Variants in PALM observed in about 807,000 individuals in gnomAD.
PALM encodes paralemmin.
In PALM, 18 loss-of-function variants were observed where a neutral mutation model predicts 30.7. The observed-to-expected ratio is 0.59, with a 90% CI of 0.41 to 0.87. PALM has a LOEUF of 0.87. Among genes scored for constraint, PALM ranks in the 40% least tolerant of loss-of-function variants. PALM has a pLI of 0.00. For synonymous variants in PALM, 286 were observed against 242.8 expected (o/e 1.18, Z -1.66); for missense variants, 529 against 555.4 (o/e 0.95, Z 0.48).
intron 5 of PALM, among the ~76,000 whole-genome samples, chr19:733,353 G>A (rs1190669713): frequency 1.3e-5 from 2 of 152,178 alleles, no homozygotes; most frequent in East Asian, 1.9e-4. Flanking sequence ...CCTTCCTGAC[G>A]GGCACACCCA....
rs750591727 is a variant in PALM, at chr19:746,276, CT to C, written c.635-7del. ...AGCTGGGTCATTCTCTCTGTCTCTC[CT>C]TGTACAGTGGTCCATGCTGTGGACG... On this transcript the variant is annotated splice_region_variant and splice_polypyrimidine_tract_variant and intron_variant, in intron 8 of 8. Coordinates refer to ENST00000338448, the MANE Select transcript of PALM (RefSeq NM_002579.3). This position sits in a 1 kb window ranked among gnomAD's most constrained non-coding sequence, Gnocchi z 7.1. 6.2e-6 allele frequency: 10 copies of C among 1,609,946 alleles called. No homozygotes were observed. The highest frequency in any genetic ancestry group is 3.4e-5 in the Admixed American group (2 of 59,072).
chr19:717,393 T>A (rs1346348293), intron 1 of PALM, among the ~76,000 whole-genome samples: 1 of 151,908 alleles, frequency 6.6e-6, no homozygotes, highest in Non-Finnish European at 1.5e-5. Context: ...AGACATGGGA[T>A]CACACGCTGC....
chr19:731,145 C>T lies in PALM; in HGVS notation c.320C>T (p.Thr107Ile). The change falls in exon 5 of 9, where the codon ACT becomes ATT. Residue 107 changes from threonine to isoleucine, a missense_variant. By Grantham distance (89) the Thr-to-Ile change is moderately conservative. Transcript: ENST00000338448. ...VLERGDSAPATAKENAAAPSP... is the reference protein window; with the variant it reads ...VLERGDSAPAIAKENAAAPSP... ...GAGCGTGGAGACTCCGCCCCAGCCA[C>T]TGCCAAGGAGAACGCGGCGGCCCCG... 6.2e-7 allele frequency: 1 copy of T among 1,608,506 alleles called. No homozygotes were observed. The highest frequency in any genetic ancestry group is 2.2e-5 in the East Asian group (1 of 44,706).
At chr19:745,204 C>T (rs941615571) in intron 8 of PALM, among the ~76,000 whole-genome samples, 3 of 152,038 alleles carry the variant, frequency 2.0e-5, no homozygotes, top group Non-Finnish European at 4.4e-5. Context: ...ATCCCTGTAA[C>T]CTCCAGTTCC....
chr19:740,206 A>C, intron 7 of PALM, 146 bp from the exon 8 acceptor site: 1 of 743,422 alleles, frequency 1.3e-6, no homozygotes, highest in African/African-American at 1.8e-5. Context: ...CCGCGTCGAG[A>C]AGGTGCCCAG....
intron 1 of PALM, among the ~76,000 whole-genome samples, chr19:715,084 T>C (rs2032214402): frequency 6.6e-6 from 1 of 152,138 alleles, no homozygotes; most frequent in Admixed American, 6.6e-5. Context: ...GCCAACATAG[T>C]GAAACCCCAT....
intron 7 of PALM, among the ~76,000 whole-genome samples, chr19:738,580 G>A (rs1323763107): frequency 5.3e-5 from 8 of 152,124 alleles, no homozygotes; most frequent in Admixed American, 4.6e-4. Flanking sequence ...AAGAGCCAGG[G>A]TGGGGGCAGG....
At chr19:731,409 C>T (rs897088172) in intron 5 of PALM, among the ~76,000 whole-genome samples, 164 bp downstream of exon 5, 3 of 152,208 alleles carry the variant, frequency 2.0e-5, no homozygotes, top group Non-Finnish European at 2.9e-5. Context: ...CTGTGTGAGC[C>T]GGGACACGTG....
In PALM at chr19:746,988, G is replaced by A. The variant is rs1294898883; in HGVS notation, c.*174G>A. On this transcript the variant is annotated 3_prime_UTR_variant, in exon 9 of 9. Coordinates refer to ENST00000338448, the MANE Select transcript of PALM (RefSeq NM_002579.3). This position sits in a 1 kb window ranked among gnomAD's most constrained non-coding sequence, Gnocchi z 7.1. ...GAAAGAGGGACAGGGGCCCCCACCC[G>A]TCACCACGCCCCAACACTCCCCCCG... is the stretch of plus-strand genomic sequence containing the variant. The A allele has an allele frequency of 1.8e-5, 11 of 596,634 alleles. No individual in the cohort carries two copies. The highest frequency in any genetic ancestry group is 6.0e-5 in the Admixed American group (2 of 33,424). 37.0% of individuals were successfully genotyped at this position (596,634 alleles called of 1,614,324 possible).
intron 2 of PALM, 46 bp from the exon 3 acceptor site, chr19:726,962 C>T (rs755585956): frequency 1.5e-5 from 15 of 1,033,496 alleles, no homozygotes; most frequent in Admixed American, 6.7e-5. Context: ...GGGGGGTCTC[C>T]GGGACCCCCA....
Position 728,606 on chromosome 19 carries a change from G to A in PALM, c.269+912G>A, listed in dbSNP as rs920747289. On this transcript the variant is annotated intron_variant, in intron 4 of 8. Transcript: ENST00000338448. ...GAGGATCACTTGAGATCAGAGGTTC[G>A]AGACCAACCTGACCAACATCGTGAA... 4.6e-5 allele frequency among the ~76,000 whole-genome samples: 7 copies of A among 152,086 alleles called. 1 individual carries two copies. In the South Asian group the frequency reaches 6.2e-4, roughly 14 times the overall value.
intron 6 of PALM, 67 bp downstream of exon 6, chr19:734,261 G>C: frequency 2.0e-6 from 3 of 1,510,416 alleles, no homozygotes; most frequent in Non-Finnish European, 2.7e-6. Context: ...GGATGGCAGG[G>C]CGGGGAGTGA....
At chr19:731,336 G>C (rs531056196) in intron 5 of PALM, 91 bp downstream of exon 5, 44 of 1,200,558 alleles carry the variant, frequency 3.7e-5, no homozygotes, top group Non-Finnish European at 4.0e-5. Context: ...CAGCGTAGCT[G>C]AGGGGACAGG....
chr19:711,385 C>CT (rs890206316), intron 1 of PALM, among the ~76,000 whole-genome samples: 1 of 152,118 alleles, frequency 6.6e-6, no homozygotes, highest in Non-Finnish European at 1.5e-5. Flanking sequence ...AGGCTCAAAC[C>CT]CCCGGGATAG....
In PALM at chr19:709,990, G is replaced by A. The variant is rs1241243051; in HGVS notation, c.5+839G>A. On this transcript the variant is annotated intron_variant, in intron 1 of 8. Coordinates refer to ENST00000338448, the MANE Select transcript of PALM (RefSeq NM_002579.3). This position sits in a 1 kb window ranked among gnomAD's most constrained non-coding sequence, Gnocchi z 4.3. ...CACCGGTCCCCTCCTCCCGGTGCTC[G>A]GGTGCCCCTCTGCCCCTCACTCCCA... Among the ~76,000 whole-genome samples the A allele has an allele frequency of 2.0e-5, 3 of 152,218 alleles. No homozygotes were observed. Among genetic ancestry groups the A allele is most frequent in the East Asian group, 3.9e-4 (2 of 5,156 alleles).
At position 742,162 on chromosome 19, in the gene PALM, C is replaced by T. The variant is rs2033212917; in HGVS notation, c.634+1679C>T. On this transcript the variant is annotated intron_variant, in intron 8 of 8. Transcript: ENST00000338448. This position sits in a 1 kb window ranked among gnomAD's most constrained non-coding sequence, Gnocchi z 5.5. ...ACAGACCAAGACCCTGTCTCAAAAA[C>T]AAGAAAGAGGAGAGAAGCCCCATCC... Among the ~76,000 whole-genome samples the T allele has an allele frequency of 6.6e-6, 1 of 152,020 alleles. No individual in the cohort carries two copies. Among genetic ancestry groups the T allele is most frequent in the African/African-American group, 2.4e-5 (1 of 41,386 alleles).
chr19:725,321 G>A (rs1457782379), intron 1 of PALM, among the ~76,000 whole-genome samples: 3 of 151,608 alleles, frequency 2.0e-5, no homozygotes, highest in African/African-American at 7.3e-5. Context: ...CACTTTGGGA[G>A]GCCAAGGCGG....
chr19:716,802 G>T (rs556966005), intron 1 of PALM, among the ~76,000 whole-genome samples: 2 of 152,174 alleles, frequency 1.3e-5, no homozygotes, highest in Admixed American at 1.3e-4. Flanking sequence ...ATACACACAC[G>T]TACACAGGTA....
At position 727,105 on chromosome 19, in the gene PALM, G is replaced by T; in HGVS notation, c.138+17G>T. 6.6e-7 allele frequency: 1 copy of T among 1,520,238 alleles called. No homozygotes were observed. The highest frequency in any genetic ancestry group is 8.9e-7 in the Non-Finnish European group (1 of 1,120,056). The allele number at this position is 1,520,238 out of a possible 1,614,324, so 94.2% of individuals were successfully genotyped here. On this transcript the variant is annotated intron_variant, in intron 3 of 8. Coordinates refer to ENST00000338448, the MANE Select transcript of PALM (RefSeq NM_002579.3). ...CACCTGAAGGTACGAGCGGGGCAGG[G>T]ACCCAGGGTCAGGGAGTGCAGGCGG... is the stretch of plus-strand genomic sequence containing the variant.
Sources: gnomAD v4.1 joint callset for allele counts (sites outside exome capture counted in the v4.1 genomes callset) on GRCh38, gnomAD v4.1.1 for gene constraint, Gnocchi (gnomAD v3.1) non-coding constraint, MANE v1.5 for transcripts, NCBI Gene and HGNC (gene_info 2026-07-23, HGNC 2026-07-21) for gene names.